NPIPB2: variants seen among roughly 807,000 people sequenced by gnomAD.
NPIPB2 encodes the protein nuclear pore complex interacting protein family member B2.
NPIPB2 carries 27 observed loss-of-function variants against 30.8 expected under a neutral mutation model. The observed-to-expected ratio is 0.88, with a 90% CI of 0.65 to 1.21. The LOEUF (loss-of-function observed/expected upper bound fraction) is 1.21, where lower values mean the gene tolerates loss of function less well. Ranked by LOEUF, NPIPB2 falls within the 50% of genes most tolerant of loss-of-function variation. The pLI is 0.00. For missense variants in NPIPB2, 440 were observed against 446.2 expected (o/e 0.99, Z 0.13); for synonymous variants, 147 against 162.0 (o/e 0.91, Z 0.70).
chr16:11,936,919 A>C (rs996564739), intron 2 of NPIPB2, among the ~76,000 whole-genome samples: 10 of 151,806 alleles, frequency 6.6e-5, no homozygotes, highest in South Asian at 2.1e-4. Context: ...CTATGACCTC[A>C]GAGGAACTTT....
At chr16:11,937,643 T>C (rs746593962) in exon 2 of NPIPB2, 22 of 1,599,150 alleles carry the variant, frequency 1.4e-5, no homozygotes, top group South Asian at 6.6e-5. Context: ...CCCACGATGA[T>C]GATGGTCAGC....
chr16:11,953,714 T>A (rs1408786346), intron 1 of NPIPB2, among the ~76,000 whole-genome samples: 2,267 of 9,688 alleles, frequency 0.23, 50 homozygotes, highest in African/African-American at 0.27. Flanking sequence ...TTACTTTAAT[T>A]TTTTTTTTTT....
At chr16:11,936,265 T>G (rs1241452978) in intron 2 of NPIPB2, among the ~76,000 whole-genome samples, 1 of 151,446 alleles carries the variant, frequency 6.6e-6, no homozygotes, top group Non-Finnish European at 1.5e-5. Flanking sequence ...GGTCACACCA[T>G]TATACTCCAG....
At chr16:11,962,160 T>C (rs2055157105) in intron 1 of NPIPB2, among the ~76,000 whole-genome samples, 1 of 136,498 alleles carries the variant, frequency 7.3e-6, no homozygotes, top group Non-Finnish European at 1.5e-5. Context: ...ATGGTGCCAC[T>C]GCACTCCAGC....
In NPIPB2 at chr16:11,935,512, C is replaced by T. The variant is rs140620123; in HGVS notation, c.193-1588G>A. Among the ~76,000 whole-genome samples, 785 of 152,240 alleles carry T rather than the reference C, an allele frequency of 5.2e-3. 11 individuals carry two copies. Among genetic ancestry groups the T allele is most frequent in the African/African-American group, 0.018 (754 of 41,556 alleles). Reference sequence around the variant, plus strand: ...TCTTTTTAGTAGAGATGGGGTTTTACCATGTTGGCCCATCTGGTCTTGAAC... The same window carrying T: ...TCTTTTTAGTAGAGATGGGGTTTTATCATGTTGGCCCATCTGGTCTTGAAC... On this transcript the variant is annotated intron_variant, in intron 2 of 7. Coordinates refer to ENST00000399147, the Ensembl canonical transcript of NPIPB2.
At chr16:11,943,786 C>G (rs373462344), upstream of NPIPB2, among the ~76,000 whole-genome samples, 1 of 150,134 alleles carries the variant, frequency 6.7e-6, no homozygotes, top group South Asian at 2.1e-4. Flanking sequence ...ATCACAAGGT[C>G]AGGAGATCGA....
At chr16:11,946,813 T>C (rs77602327), upstream of NPIPB2, among the ~76,000 whole-genome samples, 2,556 of 152,108 alleles carry the variant, frequency 0.017, 41 homozygotes, top group Admixed American at 0.029. Context: ...TGAAAGCATA[T>C]GTTTACACAA....
upstream of NPIPB2, among the ~76,000 whole-genome samples, chr16:11,944,426 C>G (rs1401421619): frequency 6.6e-6 from 1 of 151,836 alleles, no homozygotes; most frequent in East Asian, 2.0e-4. Context: ...CTCAGCCTCC[C>G]AAAGTCCCGG....
chr16:11,951,306 A>T (rs923282354), intron 1 of NPIPB2, among the ~76,000 whole-genome samples: 4 of 150,710 alleles, frequency 2.7e-5, no homozygotes, highest in African/African-American at 9.8e-5. Context: ...AAATATATAA[A>T]AAAAAAAATT....
At chr16:11,958,370 G>T (rs1204667210) in intron 1 of NPIPB2, among the ~76,000 whole-genome samples, 2 of 151,506 alleles carry the variant, frequency 1.3e-5, no homozygotes, top group Non-Finnish European at 2.9e-5. Context: ...GGAGGTTGCA[G>T]TGAGCCCAGA....
intron 1 of NPIPB2, chr16:11,967,076 C>G (rs2055200342): frequency 4.4e-6 from 1 of 225,790 alleles, no homozygotes; most frequent in Non-Finnish European, 9.2e-6. Flanking sequence ...TCTCAACTCA[C>G]TGCAGCCTCT....
intron 4 of NPIPB2, among the ~76,000 whole-genome samples, chr16:11,931,567 T>C (rs562129046): frequency 6.6e-6 from 1 of 152,274 alleles, no homozygotes; most frequent in South Asian, 2.1e-4. Flanking sequence ...GAGAATGCAA[T>C]GGGAGCAGGG....
intron 1 of NPIPB2, among the ~76,000 whole-genome samples, chr16:11,951,666 A>ACACACACACACACACACAC (rs1226047972): frequency 7.2e-6 from 1 of 138,874 alleles, no homozygotes; most frequent in South Asian, 2.6e-4. Context: ...ACACACACAC[A>ACACACACACACACACACAC]CCCAGCCCCC....
chr16:11,945,541 G>T (rs1453845281), upstream of NPIPB2, among the ~76,000 whole-genome samples: 1 of 151,980 alleles, frequency 6.6e-6, no homozygotes, highest in African/African-American at 2.4e-5. Flanking sequence ...AGCCAGGTGT[G>T]GTGGTACGTC....
chr16:11,971,903 T>C (rs2055237821), intron 1 of NPIPB2, among the ~76,000 whole-genome samples: 1 of 151,966 alleles, frequency 6.6e-6, no homozygotes. Context: ...TCCCAGCACT[T>C]TGGGAGGCTG....
At chr16:11,945,602 C>T (rs189465084), upstream of NPIPB2, among the ~76,000 whole-genome samples, 18 of 152,050 alleles carry the variant, frequency 1.2e-4, no homozygotes, top group Non-Finnish European at 2.2e-4. Flanking sequence ...CGCTTGAACC[C>T]GGGAGGTGGA....
intron 1 of NPIPB2, among the ~76,000 whole-genome samples, chr16:11,961,549 G>A (rs1170400036): frequency 6.6e-6 from 1 of 152,162 alleles, no homozygotes; most frequent in African/African-American, 2.4e-5. Context: ...GGAGGCCGAG[G>A]CGGGCGAATC....
intron 1 of NPIPB2, among the ~76,000 whole-genome samples, chr16:11,947,546 G>A (rs1285069281): frequency 3.3e-5 from 5 of 151,298 alleles, no homozygotes; most frequent in African/African-American, 9.7e-5. Context: ...GGGTTTCACC[G>A]TATTAGCCAG....
chr16:11,935,688 T>C (rs572955790), intron 2 of NPIPB2, among the ~76,000 whole-genome samples: 1 of 150,662 alleles, frequency 6.6e-6, no homozygotes, highest in Admixed American at 6.7e-5. Flanking sequence ...AAAAAAATCA[T>C]GTACTAGGAT....
Sources: allele counts gnomAD v4.1 joint callset (sites outside exome capture counted in the v4.1 genomes callset), GRCh38; gene constraint gnomAD v4.1.1; transcripts MANE v1.5; gene names NCBI Gene and HGNC (gene_info 2026-07-23, HGNC 2026-07-21).